FBN1: variants seen among roughly 807,000 people sequenced by gnomAD.
FBN1 encodes the protein fibrillin-1.
Under a neutral mutation model 365.1 loss-of-function variants are expected in FBN1, and 29 were observed. The ratio of observed to expected loss-of-function variants is 0.08; its 90% CI spans 0.06 to 0.11. The LOEUF (loss-of-function observed/expected upper bound fraction) is 0.11. FBN1 is among the 10% of genes least tolerant of loss of function. The pLI is 1.00. For missense variants in FBN1, 2,476 were observed against 3,703.2 expected, an observed-to-expected ratio of 0.67 and a Z score of 8.60; for synonymous variants, 1,210 against 1,270.5, an observed-to-expected ratio of 0.95 and a Z score of 1.01.
At chr15:48,592,493 A>G (rs959625316) in intron 6 of FBN1, among the ~76,000 whole-genome samples, 47 of 152,298 alleles carry the variant, frequency 3.1e-4, no homozygotes, top group African/African-American at 1.1e-3. Flanking sequence ...TTGCCAAAAC[A>G]GGCACTGACC....
intron 6 of FBN1, among the ~76,000 whole-genome samples, chr15:48,589,653 G>A (rs1292591837): frequency 1.6e-5 from 2 of 126,948 alleles, no homozygotes; most frequent in African/African-American, 6.4e-5. Flanking sequence ...TCGCTCTGTC[G>A]CCCAGGCTGG....
At chr15:48,550,913 T>C (rs1396531397) in intron 6 of FBN1, among the ~76,000 whole-genome samples, 1 of 152,130 alleles carries the variant, frequency 6.6e-6, no homozygotes, top group African/African-American at 2.4e-5. Context: ...ACTTTGCATC[T>C]CCATGGCCTA....
rs571997515 is a variant in FBN1, at chr15:48,439,676, A to G, written c.6164-1759T>C. ...TGTATGTTGTAATATTGGTGTATTA[A>G]AATTCTCATTCTCTTTTCCTTTAAT... On this transcript the variant is annotated intron_variant, in intron 50 of 65. Coordinates refer to ENST00000316623, the MANE Select transcript of FBN1 (RefSeq NM_000138.5). 2.3e-4 allele frequency among the ~76,000 whole-genome samples: 35 copies of G among 152,242 alleles called. No individual in the cohort carries two copies. In the South Asian group the frequency reaches 7.2e-3, roughly 32 times the overall value.
At chr15:48,472,458 TAAA>T (rs67860867) in intron 35 of FBN1, 90 bp downstream of exon 35, 26,540 of 1,151,292 alleles carry the variant, frequency 0.023, no homozygotes, top group East Asian at 0.031. Flanking sequence ...CACCTCAGTT[TAAA>T]AAAAAAAAAA....
At chr15:48,536,237 T>C (rs1477143575) in intron 7 of FBN1, among the ~76,000 whole-genome samples, 1 of 152,244 alleles carries the variant, frequency 6.6e-6, no homozygotes, top group Non-Finnish European at 1.5e-5. Flanking sequence ...AACATTTTTT[T>C]TCTTGGATGT....
intron 50 of FBN1, among the ~76,000 whole-genome samples, chr15:48,440,397 T>C (rs2043103526): frequency 6.6e-6 from 1 of 152,158 alleles, no homozygotes; most frequent in African/African-American, 2.4e-5. Context: ...GCCTGCCACA[T>C]CGGCAGATTC....
intron 64 of FBN1, among the ~76,000 whole-genome samples, chr15:48,414,478 T>C (rs2042886680): frequency 6.6e-6 from 1 of 152,128 alleles, no homozygotes; most frequent in Admixed American, 6.5e-5. Flanking sequence ...AAAGTTAAAA[T>C]GTGCACTTCC....
At chr15:48,503,012 A>C (rs2043674389) in intron 17 of FBN1, among the ~76,000 whole-genome samples, 1 of 152,096 alleles carries the variant, frequency 6.6e-6, no homozygotes, top group Non-Finnish European at 1.5e-5. Flanking sequence ...AAAGAAAACC[A>C]CACCGGTCCG....
At chr15:48,602,547 A>G (rs1007448484) in intron 4 of FBN1, among the ~76,000 whole-genome samples, 2 of 152,236 alleles carry the variant, frequency 1.3e-5, no homozygotes, top group Non-Finnish European at 2.9e-5. Context: ...GAAGTTGTCC[A>G]TTGTGTCCGA....
chr15:48,524,080 C>T lies in FBN1; in HGVS notation c.988+2050G>A, dbSNP rs549277693. The stretch of plus-strand genomic sequence containing the variant: ...CAACCAGGAGTTAGGAGTTGTGAGG[C>T]TCAAACTAGGGAAAGGACATCTTTA... On this transcript the variant is annotated intron_variant, in intron 9 of 65. Transcript: ENST00000316623. 5.9e-5 allele frequency among the ~76,000 whole-genome samples: 9 copies of T among 152,164 alleles called. No individual in the cohort carries two copies. In the East Asian group the frequency reaches 1.7e-3, roughly 29 times the overall value.
At chr15:48,478,188 C>G (rs1483066659) in intron 32 of FBN1, among the ~76,000 whole-genome samples, 1 of 152,194 alleles carries the variant, frequency 6.6e-6, no homozygotes, top group Non-Finnish European at 1.5e-5. Flanking sequence ...ACTTGGATTT[C>G]TTAATTTGGA....
At chr15:48,511,874 C>A (rs1211331307) in intron 13 of FBN1, among the ~76,000 whole-genome samples, 1 of 152,158 alleles carries the variant, frequency 6.6e-6, no homozygotes, top group Non-Finnish European at 1.5e-5. Flanking sequence ...TCTCAATAAC[C>A]ACCTCTCTTT....
intron 46 of FBN1, among the ~76,000 whole-genome samples, chr15:48,448,369 A>G (rs2043174919): frequency 6.6e-6 from 1 of 152,156 alleles, no homozygotes; most frequent in Non-Finnish European, 1.5e-5. Flanking sequence ...TTGCCTTTGT[A>G]GGATTTATAA....
chr15:48,517,626 T>C (rs747313471), intron 10 of FBN1, among the ~76,000 whole-genome samples: 6 of 152,246 alleles, frequency 3.9e-5, no homozygotes, highest in Non-Finnish European at 8.8e-5. Flanking sequence ...TTAAGCAGTA[T>C]CCAGGTTTCC....
At chr15:48,579,546 A>G (rs1266451978) in intron 6 of FBN1, among the ~76,000 whole-genome samples, 2 of 152,192 alleles carry the variant, frequency 1.3e-5, no homozygotes, top group Non-Finnish European at 2.9e-5. Flanking sequence ...TCTGAAACCT[A>G]TGGACATCTG....
In FBN1 at chr15:48,463,256, A is replaced by G; in HGVS notation, c.5066-16T>C. The G allele has an allele frequency of 6.2e-7, 1 of 1,613,508 alleles. No individual in the cohort carries two copies. ...CTTCTCATATCTAGAAGGGAGGTAA[A>G]AAAAAGGATTGGAGGGTTGGTGATG... On this transcript the variant is annotated splice_polypyrimidine_tract_variant and intron_variant, in intron 41 of 65. Coordinates refer to ENST00000316623, the MANE Select transcript of FBN1 (RefSeq NM_000138.5).
chr15:48,573,353 T>TAA, intron 6 of FBN1, among the ~76,000 whole-genome samples: 1 of 152,314 alleles, frequency 6.6e-6, no homozygotes, highest in Middle Eastern at 3.4e-3. Flanking sequence ...AAATGGTGCA[T>TAA]AAAGTGATAG....
intron 6 of FBN1, among the ~76,000 whole-genome samples, chr15:48,587,119 A>G (rs532946770): frequency 6.6e-6 from 1 of 152,222 alleles, no homozygotes; most frequent in Non-Finnish European, 1.5e-5. Context: ...ATGTTCTACA[A>G]AAAGTACTTT....
chr15:48,598,047 G>C (rs2044529266), intron 5 of FBN1, among the ~76,000 whole-genome samples: 1 of 152,168 alleles, frequency 6.6e-6, no homozygotes, highest in African/African-American at 2.4e-5. Context: ...GCCTTAGTTA[G>C]GACTTGTCTT....
Sources: allele counts gnomAD v4.1 joint callset (sites outside exome capture counted in the v4.1 genomes callset), GRCh38; gene constraint gnomAD v4.1.1; transcripts MANE v1.5; gene names NCBI Gene and HGNC (gene_info 2026-07-23, HGNC 2026-07-21).